Variants in ZNF654 observed in about 807,000 individuals in gnomAD.
The protein encoded by ZNF654 is melanoma-associated antigen.
In ZNF654, 19 loss-of-function variants were observed where a neutral mutation model predicts 95.3. The observed-to-expected ratio is 0.20, with a 90% confidence interval of 0.14 to 0.29. The LOEUF is 0.29. Among genes scored for constraint, ZNF654 ranks in the 10% least tolerant of loss-of-function variants. ZNF654 has a pLI of 1.00. For synonymous variants in ZNF654, 413 were observed against 457.9 expected (o/e 0.90, Z 1.25); for missense variants, 1,046 against 1,341.0 (o/e 0.78, Z 3.44).
Position 88,070,597 on chromosome 3 carries a change from A to G in ZNF654, c.186+11092A>G, listed in dbSNP as rs1303607752. Among the ~76,000 whole-genome samples the G allele has an allele frequency of 3.8e-5, 4 of 105,736 alleles. No homozygotes were observed. In the East Asian group the frequency reaches 8.0e-4, roughly 21 times the overall value. 69.4% of individuals were successfully genotyped at this position (105,736 alleles called of 152,430 possible). A position where few individuals can be genotyped will look rare whatever the true frequency, so the allele number is the denominator to read the frequency against. Reference sequence around the variant, plus strand: ...TTTTTTTTTTTTTTTTTTGCAGATCATATTGGTGTTTGCCCATTTAATTTT... The same window carrying G: ...TTTTTTTTTTTTTTTTTTGCAGATCGTATTGGTGTTTGCCCATTTAATTTT... On this transcript the variant is annotated intron_variant, in intron 1 of 8. Coordinates refer to ENST00000636215, the MANE Select transcript of ZNF654 (RefSeq NM_001350134.2).
chr3:88,080,861 C>A (rs1200918377), intron 1 of ZNF654, among the ~76,000 whole-genome samples: 2 of 152,164 alleles, frequency 1.3e-5, no homozygotes, highest in African/African-American at 4.8e-5. Context: ...TTTAGACTTA[C>A]AGAATGCAGT....
At chr3:88,079,281 G>A (rs1308437348) in intron 1 of ZNF654, among the ~76,000 whole-genome samples, 1 of 151,952 alleles carries the variant, frequency 6.6e-6, no homozygotes, top group Non-Finnish European at 1.5e-5. Context: ...CCACATTTTG[G>A]AGCACAAACA....
chr3:88,139,546 T>C lies in ZNF654; in HGVS notation c.1877T>C (p.Ile626Thr). ...LEEINCSSSSISFENGNSDSK... is the reference protein window; with the variant it reads ...LEEINCSSSSTSFENGNSDSK... ...GAAATAAATTGTTCTAGTTCTTCCA[T>C]TTCATTTGAAAATGGGAATTCTGAT... Residue 626 changes from isoleucine (I) to threonine (T), a missense_variant, in exon 8 of 9, where the codon ATT (isoleucine) becomes ACT (threonine). Ile to Thr is a moderately conservative substitution (Grantham distance 89, BLOSUM62 -1). Around this residue, in one of 9 missense-constraint regions of ZNF654, gnomAD observed 495 missense variants for 537.0 expected, o/e 0.92. Coordinates refer to ENST00000636215, the MANE Select transcript of ZNF654 (RefSeq NM_001350134.2). 1 of 1,613,498 alleles carries C rather than the reference T, an allele frequency of 6.2e-7. No homozygotes were observed. The highest frequency in any genetic ancestry group is 1.3e-5 in the African/African-American group (1 of 74,990).
intron 7 of ZNF654, among the ~76,000 whole-genome samples, chr3:88,138,476 T>G (rs1706934395): frequency 1.3e-5 from 2 of 152,106 alleles, no homozygotes; most frequent in Admixed American, 1.3e-4. Flanking sequence ...GAAAATTAAA[T>G]AAATTAGAAG....
chr3:88,081,410 C>T (rs1450228786), intron 1 of ZNF654, among the ~76,000 whole-genome samples: 1 of 151,934 alleles, frequency 6.6e-6, no homozygotes, highest in Non-Finnish European at 1.5e-5. Context: ...CTCAAATTTT[C>T]ACTCACTATT....
chr3:88,109,717 AT>A (rs1704974957), intron 2 of ZNF654, among the ~76,000 whole-genome samples: 1 of 152,168 alleles, frequency 6.6e-6, no homozygotes, highest in Non-Finnish European at 1.5e-5. Flanking sequence ...CCGGATAATT[AT>A]TTCAATTTAG....
At chr3:88,141,240 C>G (rs1707111422) in intron 8 of ZNF654, among the ~76,000 whole-genome samples, 192 bp downstream of exon 8, 1 of 152,060 alleles carries the variant, frequency 6.6e-6, no homozygotes, top group East Asian at 1.9e-4. Context: ...TTTTATAGAT[C>G]AAGCAACTGA....
At chr3:88,087,447 A>G (rs1708395268) in intron 2 of ZNF654, among the ~76,000 whole-genome samples, 2 of 152,208 alleles carry the variant, frequency 1.3e-5, no homozygotes, top group Admixed American at 1.3e-4. Context: ...ATTTGTGATT[A>G]TGCCTTCTGC....
rs572651785 is a variant in ZNF654 at position 88,143,040 on chromosome 3, C to A, written c.*1388C>A. On this transcript the variant is annotated 3_prime_UTR_variant, in exon 9 of 9. Coordinates refer to ENST00000636215, the MANE Select transcript of ZNF654 (RefSeq NM_001350134.2). ...AAAAAGGCAGTGTTTCAAAACAGAT[C>A]TCCTAATGTCCCAATGTCAAATATT... The A allele has an allele frequency of 2.2e-4, 34 of 152,334 alleles. No individual in the cohort carries two copies. The highest frequency in any genetic ancestry group is 7.9e-4 in the African/African-American group (33 of 41,522). The allele number at this position is 152,334 out of a possible 1,614,324, so 9.4% of individuals were successfully genotyped here.
intron 2 of ZNF654, among the ~76,000 whole-genome samples, chr3:88,111,835 T>C (rs982963496): frequency 6.6e-6 from 1 of 151,984 alleles, no homozygotes; most frequent in African/African-American, 2.4e-5. Flanking sequence ...ATAGAATACA[T>C]CATCTCTTTT....
At chr3:88,133,319 T>TC (rs749860328) in intron 6 of ZNF654, among the ~76,000 whole-genome samples, 2 of 152,212 alleles carry the variant, frequency 1.3e-5, no homozygotes, top group African/African-American at 2.4e-5. Context: ...TTTAGGTCTC[T>TC]CTTATTTCCA....
At chr3:88,114,702 C>T (rs1251283457) in intron 3 of ZNF654, among the ~76,000 whole-genome samples, 1 of 152,146 alleles carries the variant, frequency 6.6e-6, no homozygotes, top group African/African-American at 2.4e-5. Context: ...CTTTTGCTGT[C>T]ATGTTATCTT....
Position 88,139,992 on chromosome 3 carries a change from T to C in ZNF654, c.2323T>C (p.Leu775=), listed in dbSNP as rs1169607309. 1 of 1,613,672 alleles carries C rather than the reference T, an allele frequency of 6.2e-7. No individual in the cohort carries two copies. Among genetic ancestry groups the C allele is most frequent in the Non-Finnish European group, 8.5e-7 (1 of 1,179,800 alleles). ...KHAMTVHPTD[L]NVRQTVMKWS... ...TGCAATGACCGTACATCCAACCGAT[T>C]TAAATGTGCGACAAACAGTAATGAA... is the stretch of plus-strand genomic sequence containing the variant. Residue 775 remains leucine (L), a synonymous_variant, in exon 8 of 9, where the codon TTA becomes CTA. Coordinates refer to ENST00000636215, the MANE Select transcript of ZNF654 (RefSeq NM_001350134.2).
In ZNF654 at chr3:88,138,761, C is replaced by T. The variant is rs1387560614; in HGVS notation, c.1092C>T (p.Leu364=). ...CVEICGCALQ[L]DLHDDPKTKC... ...AAATATGTGGTTGTGCTCTACAACT[C>T]GACCTTCATGATGATCCCAAAACTA... is the stretch of plus-strand genomic sequence containing the variant. The change falls in exon 8 of 9, where the codon CTC becomes CTT. Residue 364 remains leucine (L), a synonymous_variant. Transcript: ENST00000636215. 1.2e-5 allele frequency: 15 copies of T among 1,231,842 alleles called. No individual in the cohort carries two copies. Among genetic ancestry groups the T allele is most frequent in the East Asian group, 3.2e-5 (1 of 31,698 alleles). The allele number at this position is 1,231,842 out of a possible 1,614,324, so 76.3% of individuals were successfully genotyped here. A position where few individuals can be genotyped will look rare whatever the true frequency, so the allele number is the denominator to read the frequency against.
chr3:88,104,807 A>G lies in ZNF654; in HGVS notation c.333-8308A>G, dbSNP rs187630034. On this transcript the variant is annotated intron_variant, in intron 2 of 8. Transcript: ENST00000636215. ...ATGAATAGACAGAACAAACAAAACTATTAAGATGATAGGGTTTAATCTAAG... is the reference window on the plus strand; with the variant it reads ...ATGAATAGACAGAACAAACAAAACTGTTAAGATGATAGGGTTTAATCTAAG... 5.9e-5 allele frequency among the ~76,000 whole-genome samples: 9 copies of G among 152,370 alleles called. No homozygotes were observed. In the East Asian group the frequency reaches 1.7e-3, roughly 29 times the overall value.
chr3:88,120,423 A>G (rs1705696560), intron 3 of ZNF654, among the ~76,000 whole-genome samples: 1 of 152,156 alleles, frequency 6.6e-6, no homozygotes, highest in Non-Finnish European at 1.5e-5. Context: ...CCTTATTAGG[A>G]ATGGGGAGGG....
chr3:88,115,894 A>C (rs1705359701), intron 3 of ZNF654, among the ~76,000 whole-genome samples: 1 of 152,178 alleles, frequency 6.6e-6, no homozygotes, highest in Non-Finnish European at 1.5e-5. Flanking sequence ...TAAATGCTGG[A>C]AATTAGGATG....
intron 7 of ZNF654, among the ~76,000 whole-genome samples, chr3:88,135,755 T>G (rs1706741545): frequency 6.6e-6 from 1 of 152,140 alleles, no homozygotes; most frequent in Non-Finnish European, 1.5e-5. Context: ...ACATGAGTCT[T>G]ACGTAGACAT....
rs901202321 is a variant in ZNF654, at chr3:88,076,772, T to C, written c.187-9485T>C. 5.3e-5 allele frequency among the ~76,000 whole-genome samples: 8 copies of C among 152,314 alleles called. No homozygotes were observed. In the East Asian group the frequency reaches 1.5e-3, roughly 29 times the overall value. On this transcript the variant is annotated intron_variant, in intron 1 of 8. Coordinates refer to ENST00000636215, the MANE Select transcript of ZNF654 (RefSeq NM_001350134.2). The stretch of plus-strand genomic sequence containing the variant: ...TAATATATTACTCTCAGCTCTGATT[T>C]TGGAATCAAATGAAAAATTGGCAGG...
Sources: gnomAD v4.1 joint callset for allele counts (sites outside exome capture counted in the v4.1 genomes callset) on GRCh38, gnomAD v4.1.1 for gene constraint, gnomAD v4.1.1 regional missense constraint, MANE v1.5 for transcripts, NCBI Gene and HGNC (gene_info 2026-07-23, HGNC 2026-07-21) for gene names.